Variants in APBB2 observed in about 807,000 individuals in gnomAD.
The protein encoded by APBB2 is Fe65-like 1.
Under a neutral mutation model 82.5 loss-of-function variants are expected in APBB2, and 38 were observed. The observed-to-expected ratio is 0.46, with a 90% CI of 0.36 to 0.60. The LOEUF is 0.60. APBB2 is among the 20% of genes least tolerant of loss of function. The probability of loss-of-function intolerance (pLI) is 0.00; values close to 1 mark genes in which losing one functional copy is unlikely to be tolerated. For synonymous variants in APBB2, 341 were observed against 368.2 expected, an observed-to-expected ratio of 0.93 and a Z score of 0.85; for missense variants, 772 against 972.3, an observed-to-expected ratio of 0.79 and a Z score of 2.74.
chr4:40,903,356 A>G (rs904036955), intron 10 of APBB2, among the ~76,000 whole-genome samples: 2 of 152,162 alleles, frequency 1.3e-5, no homozygotes, highest in African/African-American at 4.8e-5. Context: ...AATCCCAGCT[A>G]TTCGGGAGGC....
chr4:40,939,781 G>C (rs1025604346), intron 7 of APBB2, among the ~76,000 whole-genome samples: 22 of 152,138 alleles, frequency 1.4e-4, no homozygotes, highest in African/African-American at 5.1e-4. Context: ...TTTTAGTAGA[G>C]AAAGTCCTGG....
intron 6 of APBB2, among the ~76,000 whole-genome samples, chr4:40,970,906 C>T (rs188414455): frequency 6.6e-6 from 1 of 152,278 alleles, no homozygotes; most frequent in African/African-American, 2.4e-5. Context: ...AGGGCTTCCT[C>T]TCTCTCAGAC....
chr4:41,116,466 T>TA (rs990773762), intron 2 of APBB2, among the ~76,000 whole-genome samples: 1 of 151,698 alleles, frequency 6.6e-6, no homozygotes, highest in African/African-American at 2.4e-5. Context: ...AAGTATAACT[T>TA]AAAAAAATAC....
intron 4 of APBB2, among the ~76,000 whole-genome samples, chr4:41,047,984 C>G (rs1432015501): frequency 6.6e-6 from 1 of 152,188 alleles, no homozygotes; most frequent in Non-Finnish European, 1.5e-5. Context: ...TGTGATATGT[C>G]TAACATCACT....
chr4:41,201,907 C>T (rs568718693), intron 1 of APBB2, among the ~76,000 whole-genome samples: 1 of 152,260 alleles, frequency 6.6e-6, no homozygotes, highest in East Asian at 1.9e-4. Context: ...CAATTTGAAA[C>T]CTGTCTGGAT....
chr4:40,840,991 C>T (rs1446064179), intron 12 of APBB2, among the ~76,000 whole-genome samples: 1 of 152,190 alleles, frequency 6.6e-6, no homozygotes, highest in African/African-American at 2.4e-5. Context: ...GAACTTTCCA[C>T]CACCTGCCCC....
chr4:41,014,559 C>T lies in APBB2; in HGVS notation c.20-161G>A. Reference sequence around the variant, plus strand: ...TTTCCTCTTTATTTCACCATTTGTTCCTATATTAAACAGGAGCAAATAAAG... The same window carrying T: ...TTTCCTCTTTATTTCACCATTTGTTTCTATATTAAACAGGAGCAAATAAAG... On this transcript the variant is annotated intron_variant, in intron 5 of 17. Transcript: ENST00000508593. 6 of 739,580 alleles carry T rather than the reference C, an allele frequency of 8.1e-6. No individual in the cohort carries two copies. The South Asian group carries it at 1.1e-4, about 13-fold the overall frequency. The allele number at this position is 739,580 out of a possible 1,614,324, so 45.8% of individuals were successfully genotyped here. A position where few individuals can be genotyped will look rare whatever the true frequency, so the allele number is the denominator to read the frequency against.
intron 6 of APBB2, among the ~76,000 whole-genome samples, chr4:40,995,717 CA>C (rs1365766829): frequency 8.3e-4 from 126 of 152,004 alleles, no homozygotes; most frequent in African/African-American, 2.9e-3. Flanking sequence ...TTTAATTTTA[CA>C]GAGACAGGGT....
intron 14 of APBB2, 110 bp downstream of exon 14, chr4:40,827,022 G>A: frequency 1.0e-6 from 1 of 960,394 alleles, no homozygotes; most frequent in Non-Finnish European, 1.6e-6. Flanking sequence ...TTACTGAGTT[G>A]AGTGTGCTCT....
At chr4:41,031,336 C>A (rs763669254) in intron 5 of APBB2, among the ~76,000 whole-genome samples, 2 of 152,172 alleles carry the variant, frequency 1.3e-5, no homozygotes, top group African/African-American at 4.8e-5. Flanking sequence ...GAAGGCAAAC[C>A]TTACCCCACT....
intron 6 of APBB2, among the ~76,000 whole-genome samples, chr4:41,008,980 T>C (rs544605862): frequency 1.3e-5 from 2 of 152,338 alleles, no homozygotes; most frequent in Admixed American, 6.5e-5. Context: ...CTACACAAGA[T>C]CCATCTAGTT....
chr4:40,920,163 C>T (rs536597731), intron 10 of APBB2, among the ~76,000 whole-genome samples: 5 of 152,112 alleles, frequency 3.3e-5, no homozygotes, highest in South Asian at 2.1e-4. Context: ...ATCATGGGGG[C>T]GGATCTTTCC....
intron 10 of APBB2, among the ~76,000 whole-genome samples, chr4:40,913,200 G>A (rs574985848): frequency 1.2e-4 from 19 of 152,344 alleles, no homozygotes; most frequent in African/African-American, 3.8e-4. Flanking sequence ...GGCTGTACCC[G>A]CCAGTCTGGG....
chr4:41,137,100 AT>A (rs1388627559), intron 2 of APBB2, among the ~76,000 whole-genome samples: 1 of 152,224 alleles, frequency 6.6e-6, no homozygotes, highest in African/African-American at 2.4e-5. Context: ...ACTATGAAAA[AT>A]GTCCCATTTT....
intron 6 of APBB2, among the ~76,000 whole-genome samples, chr4:40,973,063 G>A (rs1245678176): frequency 6.6e-6 from 1 of 152,150 alleles, no homozygotes; most frequent in African/African-American, 2.4e-5. Flanking sequence ...ATATTTGAAT[G>A]ACATATACAT....
At chr4:41,024,783 G>A (rs1351058268) in intron 5 of APBB2, among the ~76,000 whole-genome samples, 1 of 152,214 alleles carries the variant, frequency 6.6e-6, no homozygotes, top group South Asian at 2.1e-4. Flanking sequence ...GCCTGAGCAG[G>A]CCTGGGCTGC....
rs1809019843 is a variant in APBB2 at position 41,013,618 on chromosome 4, T to G, written c.800A>C (p.Gln267Pro). 1.2e-6 allele frequency: 2 copies of G among 1,614,136 alleles called. No homozygotes were observed. Among genetic ancestry groups the G allele is most frequent in the Non-Finnish European group, 1.7e-6 (2 of 1,180,036 alleles). ...DEESSWTTLS[Q>P]DSASPSSPDE... ...CGGGGAGCTGGGTGAGGCACTGTCT[T>G]GGGACAACGTTGTCCAGCTGGACTC... The change falls in exon 6 of 18, where the codon CAA becomes CCA. Residue 267 changes from glutamine to proline, a missense_variant. Coordinates refer to ENST00000508593, the MANE Select transcript of APBB2 (RefSeq NM_004307.2).
chr4:41,165,857 A>C (rs1422326673), intron 1 of APBB2, among the ~76,000 whole-genome samples: 6 of 149,366 alleles, frequency 4.0e-5, no homozygotes, highest in Non-Finnish European at 7.4e-5. Flanking sequence ...CATTCATGCC[A>C]GCATGTCAGG....
At chr4:41,102,434 T>C (rs1440708361) in intron 2 of APBB2, among the ~76,000 whole-genome samples, 1 of 152,214 alleles carries the variant, frequency 6.6e-6, no homozygotes, top group Non-Finnish European at 1.5e-5. Flanking sequence ...TGTATTACCA[T>C]ACAGCACACT....
Sources: allele counts gnomAD v4.1 joint callset (sites outside exome capture counted in the v4.1 genomes callset), GRCh38; gene constraint gnomAD v4.1.1; transcripts MANE v1.5; gene names NCBI Gene and HGNC (gene_info 2026-07-23, HGNC 2026-07-21).